The following ZC3HAV1 variants were observed in gnomAD, a reference collection of about 807,000 sequenced individuals.
ZC3HAV1 encodes the protein zinc finger CCCH-type containing, antiviral 1, also known as zinc finger CCCH-type antiviral protein 1.
Under a neutral mutation model 86.6 loss-of-function variants are expected in ZC3HAV1, and 41 were observed. The observed-to-expected ratio is 0.47, with a 90% CI of 0.37 to 0.61. The LOEUF is 0.61. Among genes scored for constraint, ZC3HAV1 ranks in the 20% least tolerant of loss-of-function variants. The pLI is 0.00. For synonymous variants in ZC3HAV1, 421 were observed against 432.1 expected, an observed-to-expected ratio of 0.97 and a Z score of 0.32; for missense variants, 964 against 1,141.1, an observed-to-expected ratio of 0.84 and a Z score of 2.24.
intron 1 of ZC3HAV1, among the ~76,000 whole-genome samples, chr7:139,090,147 C>T (rs1015119906): frequency 3.3e-5 from 5 of 152,136 alleles, no homozygotes; most frequent in African/African-American, 1.2e-4. Flanking sequence ...TCTTGAACTC[C>T]TGACCTCAGG....
intron 12 of ZC3HAV1, among the ~76,000 whole-genome samples, chr7:139,053,147 G>A (rs920383551): frequency 2.6e-5 from 4 of 152,174 alleles, no homozygotes; most frequent in Admixed American, 1.3e-4. Context: ...CAAGCCAGAA[G>A]TGAGTAGTAA....
chr7:139,086,081 C>A (rs767772597), intron 2 of ZC3HAV1, among the ~76,000 whole-genome samples: 4 of 152,066 alleles, frequency 2.6e-5, no homozygotes, highest in Non-Finnish European at 5.9e-5. Flanking sequence ...ATTCCTCCAT[C>A]TTTAGAGAGC....
intron 3 of ZC3HAV1, among the ~76,000 whole-genome samples, chr7:139,082,577 C>G (rs908645187): frequency 1.3e-5 from 2 of 151,940 alleles, no homozygotes; most frequent in Non-Finnish European, 2.9e-5. Flanking sequence ...TTCACAATAG[C>G]CAAACTGGAA....
intron 8 of ZC3HAV1, among the ~76,000 whole-genome samples, chr7:139,064,395 C>T (rs892746193): frequency 3.3e-5 from 5 of 152,158 alleles, no homozygotes; most frequent in African/African-American, 9.7e-5. Flanking sequence ...CCAATAAACA[C>T]GGTGGAAGGC....
chr7:139,070,663 CAAAAAAAAA>C (rs765065216), intron 7 of ZC3HAV1, among the ~76,000 whole-genome samples: 2 of 54,440 alleles, frequency 3.7e-5, no homozygotes, highest in African/African-American at 6.6e-5. Flanking sequence ...GACTCCGTCT[CAAAAAAAAA>C]AAAAAAAAAA....
intron 8 of ZC3HAV1, among the ~76,000 whole-genome samples, chr7:139,063,723 CAAAAAAAA>C (rs57944873): frequency 0.094 from 6,970 of 74,020 alleles, 204 homozygotes; most frequent in Non-Finnish European, 0.12. Flanking sequence ...GACCCTGTCT[CAAAAAAAA>C]AAAAAAAAAA....
rs1816944538 is a variant in ZC3HAV1 at position 139,076,329 on chromosome 7, T to C, written c.1654A>G (p.Met552Val). ...IGKTWTDFEH[M>V]ETIEKGYCNP... ...CAGTAGCCTTTCTCGATCGTCTCCA[T>C]GTGCTCAAAGTCCGTCCAGGTTTTA... Residue 552 changes from methionine (M) to valine (V), a missense_variant, in exon 6 of 13, where the codon ATG becomes GTG. Met to Val is a conservative substitution (Grantham distance 21, BLOSUM62 1). Coordinates refer to ENST00000242351, the MANE Select transcript of ZC3HAV1 (RefSeq NM_020119.4). 6.2e-7 allele frequency: 1 copy of C among 1,614,190 alleles called. No individual in the cohort carries two copies. The highest frequency in any genetic ancestry group is 2.2e-5 in the East Asian group (1 of 44,890).
chr7:139,105,277 TTA>T (rs1817902675), intron 1 of ZC3HAV1, among the ~76,000 whole-genome samples: 1 of 152,088 alleles, frequency 6.6e-6, no homozygotes, highest in South Asian at 2.1e-4. Context: ...CAGCTTCTAG[TTA>T]TGTTACTTTC....
rs1815894917 is a variant in ZC3HAV1 at position 139,044,216 on chromosome 7, A to T, written c.*3378T>A. On this transcript the variant is annotated 3_prime_UTR_variant, in exon 13 of 13. Coordinates refer to ENST00000242351, the MANE Select transcript of ZC3HAV1 (RefSeq NM_020119.4). ...TCGCTCTTTCTTTTCCCATATACAG[A>T]TTATGTACATAGTCTGTTTTGTCTT... 1 of 152,128 alleles carries T rather than the reference A, an allele frequency of 6.6e-6. No homozygotes were observed. The highest frequency in any genetic ancestry group is 2.4e-5 in the African/African-American group (1 of 41,432). 9.4% of individuals were successfully genotyped at this position (152,128 alleles called of 1,614,324 possible).
intron 1 of ZC3HAV1, among the ~76,000 whole-genome samples, chr7:139,101,104 C>A (rs189742848): frequency 1.3e-5 from 2 of 152,324 alleles, no homozygotes; most frequent in South Asian, 4.1e-4. Flanking sequence ...CTCGGCCTCC[C>A]GAGGTGCCGG....
At chr7:139,107,998 A>G (rs1475572747) in intron 1 of ZC3HAV1, among the ~76,000 whole-genome samples, 4 of 152,202 alleles carry the variant, frequency 2.6e-5, no homozygotes, top group African/African-American at 7.2e-5. Context: ...GAAGGGAAAG[A>G]GACTTCACAA....
At chr7:139,076,537 A>T in intron 5 of ZC3HAV1, 128 bp from the exon 6 acceptor site, 1 of 1,211,616 alleles carries the variant, frequency 8.3e-7, no homozygotes, top group Non-Finnish European at 1.2e-6. Flanking sequence ...CATCTATACC[A>T]GCTGACACTG....
intron 7 of ZC3HAV1, among the ~76,000 whole-genome samples, 164 bp downstream of exon 7, chr7:139,073,692 T>C (rs1816848019): frequency 6.6e-6 from 1 of 152,158 alleles, no homozygotes; most frequent in Non-Finnish European, 1.5e-5. Flanking sequence ...GGTTTCACCA[T>C]GTTGGCCAGG....
chr7:139,088,017 G>T (rs1817319913), intron 2 of ZC3HAV1, among the ~76,000 whole-genome samples: 1 of 110,096 alleles, frequency 9.1e-6, no homozygotes, highest in Admixed American at 1.3e-4. Flanking sequence ...GGGTGACAGA[G>T]CAAGATCCTG....
At position 139,064,861 on chromosome 7, in the gene ZC3HAV1, C is replaced by T. The variant is rs1447600126; in HGVS notation, c.1993+18G>A. On this transcript the variant is annotated intron_variant, in intron 8 of 12. Coordinates refer to ENST00000242351, the MANE Select transcript of ZC3HAV1 (RefSeq NM_020119.4). ...CGGATTTCAATGACACACAACACTG[C>T]CAAACACAGAAACCCACCTTGGAAA... is the stretch of plus-strand genomic sequence containing the variant. 2 of 1,614,018 alleles carry T rather than the reference C, an allele frequency of 1.2e-6. No individual in the cohort carries two copies. Among genetic ancestry groups the T allele is most frequent in the Admixed American group, 3.3e-5 (2 of 60,012 alleles).
At chr7:139,097,595 C>T (rs924994349) in intron 1 of ZC3HAV1, among the ~76,000 whole-genome samples, 4 of 150,436 alleles carry the variant, frequency 2.7e-5, no homozygotes, top group Admixed American at 6.6e-5. Flanking sequence ...CCACCACGCT[C>T]GGCTAATTTT....
At chr7:139,056,632 C>A (rs891573833) in intron 9 of ZC3HAV1, among the ~76,000 whole-genome samples, 2 of 152,062 alleles carry the variant, frequency 1.3e-5, no homozygotes, top group African/African-American at 2.4e-5. Context: ...GTCTTAAACT[C>A]CTGGGCTCAA....
intron 7 of ZC3HAV1, among the ~76,000 whole-genome samples, chr7:139,070,589 G>T (rs996870085): frequency 6.6e-6 from 1 of 150,990 alleles, no homozygotes; most frequent in East Asian, 1.9e-4. Flanking sequence ...GCGTGAACAC[G>T]GGAGGCGGGG....
At chr7:139,086,265 C>T (rs999898494) in intron 2 of ZC3HAV1, among the ~76,000 whole-genome samples, 1 of 152,196 alleles carries the variant, frequency 6.6e-6, no homozygotes, top group African/African-American at 2.4e-5. Flanking sequence ...CATGCTAACT[C>T]CAGAAACCAG....
Sources: gnomAD v4.1 joint callset for allele counts (sites outside exome capture counted in the v4.1 genomes callset) on GRCh38, gnomAD v4.1.1 for gene constraint, MANE v1.5 for transcripts, NCBI Gene and HGNC (gene_info 2026-07-23, HGNC 2026-07-21) for gene names.